CNTN5: variants seen among roughly 807,000 people sequenced by gnomAD.
The protein encoded by CNTN5 is contactin 5.
A neutral mutation model predicts 129.1 loss-of-function variants in CNTN5; 77 were observed. The observed-to-expected ratio is 0.60, with a 90% confidence interval of 0.50 to 0.72. The LOEUF is 0.72. Ranked by LOEUF, CNTN5 falls within the 30% of genes least tolerant of loss-of-function variation. The pLI is 0.00. For missense variants in CNTN5, 1,478 were observed against 1,328.8 expected (o/e 1.11, Z -1.75); for synonymous variants, 509 against 465.6 (o/e 1.09, Z -1.20).
chr11:99,893,548 A>G (rs1038692500), intron 6 of CNTN5, among the ~76,000 whole-genome samples: 3 of 152,172 alleles, frequency 2.0e-5, no homozygotes, highest in African/African-American at 7.2e-5. Flanking sequence ...GCACAATAAT[A>G]CCTAAAGCAC....
chr11:99,383,318 G>A (rs1232671732), intron 2 of CNTN5, among the ~76,000 whole-genome samples: 1 of 152,134 alleles, frequency 6.6e-6, no homozygotes, highest in Non-Finnish European at 1.5e-5. Context: ...CTGACAGACT[G>A]GTCCCATATG....
chr11:99,486,604 A>G (rs2135333895), intron 2 of CNTN5, among the ~76,000 whole-genome samples: 1 of 152,324 alleles, frequency 6.6e-6, no homozygotes, highest in Admixed American at 6.5e-5. Flanking sequence ...TAACTGTAAA[A>G]TTGAAATATA....
intron 13 of CNTN5, among the ~76,000 whole-genome samples, chr11:100,085,638 G>A (rs1044964373): frequency 6.6e-6 from 1 of 151,930 alleles, no homozygotes; most frequent in Admixed American, 6.6e-5. Flanking sequence ...TGAGCATTGG[G>A]TATTTTTATA....
intron 2 of CNTN5, among the ~76,000 whole-genome samples, chr11:99,553,993 C>CAA (rs1171905794): frequency 1.2e-5 from 1 of 81,544 alleles, no homozygotes; most frequent in African/African-American, 4.3e-5. Context: ...CACACACACA[C>CAA]ACATACACAC....
At chr11:100,198,507 C>T (rs1948702178) in intron 15 of CNTN5, among the ~76,000 whole-genome samples, 2 of 151,938 alleles carry the variant, frequency 1.3e-5, no homozygotes, top group Non-Finnish European at 2.9e-5. Flanking sequence ...CTGACCTAGA[C>T]CTCAGTGAGT....
intron 3 of CNTN5, among the ~76,000 whole-genome samples, chr11:99,748,579 C>A (rs566496254): frequency 6.6e-6 from 1 of 152,236 alleles, no homozygotes; most frequent in South Asian, 2.1e-4. Context: ...GCCTGAGAAC[C>A]AGGGGACCCA....
At chr11:100,294,571 A>G (rs1008744518) in intron 18 of CNTN5, among the ~76,000 whole-genome samples, 1 of 151,750 alleles carries the variant, frequency 6.6e-6, no homozygotes, top group Non-Finnish European at 1.5e-5. Flanking sequence ...AATATGCTCA[A>G]GACATTTATC....
intron 1 of CNTN5, among the ~76,000 whole-genome samples, chr11:99,213,077 G>A (rs773053109): frequency 6.6e-6 from 1 of 151,660 alleles, no homozygotes; most frequent in Non-Finnish European, 1.5e-5. Context: ...TGTAGTCTGA[G>A]CTACTTGGGA....
At chr11:99,096,579 A>G (rs1343607990) in intron 1 of CNTN5, among the ~76,000 whole-genome samples, 1 of 151,868 alleles carries the variant, frequency 6.6e-6, no homozygotes, top group Non-Finnish European at 1.5e-5. Context: ...AAGATAGGAA[A>G]AACAAGTGGT....
chr11:99,846,129 G>GACACAC (rs10650307), intron 6 of CNTN5, among the ~76,000 whole-genome samples: 17,529 of 144,576 alleles, frequency 0.12, 1,208 homozygotes, highest in Middle Eastern at 0.16. Context: ...TACGGACATA[G>GACACAC]ACACACACAC....
chr11:100,237,601 G>A (rs1949648754), intron 16 of CNTN5, among the ~76,000 whole-genome samples: 1 of 152,132 alleles, frequency 6.6e-6, no homozygotes, highest in South Asian at 2.1e-4. Context: ...GAATTACAAA[G>A]ACGATTAGCT....
At chr11:100,122,816 C>T (rs1198650377) in intron 13 of CNTN5, among the ~76,000 whole-genome samples, 3 of 151,984 alleles carry the variant, frequency 2.0e-5, no homozygotes, top group East Asian at 1.9e-4. Flanking sequence ...GGATTTTTTC[C>T]TGAATGTGTC....
intron 3 of CNTN5, among the ~76,000 whole-genome samples, chr11:99,806,762 G>A (rs1946283483): frequency 6.7e-6 from 1 of 150,108 alleles, no homozygotes; most frequent in South Asian, 2.1e-4. Flanking sequence ...AGCCAAGATT[G>A]TGCTACTGCA....
chr11:100,255,674 G>T, intron 16 of CNTN5, 86 bp from the exon 17 acceptor site: 1 of 1,144,844 alleles, frequency 8.7e-7, no homozygotes. Flanking sequence ...TTACATAGTT[G>T]GATGTGCTAC....
At chr11:99,344,190 G>C (rs1395379480) in intron 2 of CNTN5, among the ~76,000 whole-genome samples, 1 of 152,110 alleles carries the variant, frequency 6.6e-6, no homozygotes, top group Non-Finnish European at 1.5e-5. Context: ...TATAAGGTAG[G>C]ATTTTGTCCA....
At chr11:99,884,096 C>T (rs548841415) in intron 6 of CNTN5, among the ~76,000 whole-genome samples, 112 of 152,220 alleles carry the variant, frequency 7.4e-4, no homozygotes, top group Non-Finnish European at 1.4e-3. Context: ...TCCTGAGAAG[C>T]AAATGGAAGT....
chr11:99,131,284 A>G (rs1858926139), intron 1 of CNTN5, among the ~76,000 whole-genome samples: 1 of 150,034 alleles, frequency 6.7e-6, no homozygotes, highest in Admixed American at 6.7e-5. Flanking sequence ...ATAGCACTAA[A>G]TGACCACATC....
chr11:99,840,137 C>T (rs1311415096), intron 4 of CNTN5, among the ~76,000 whole-genome samples: 1 of 152,108 alleles, frequency 6.6e-6, no homozygotes, highest in East Asian at 1.9e-4. Context: ...AGTCAGACTA[C>T]TTCACCATGG....
intron 2 of CNTN5, among the ~76,000 whole-genome samples, chr11:99,338,930 A>ATATATATATG (rs1555115001): frequency 5.1e-4 from 67 of 130,452 alleles, no homozygotes; most frequent in South Asian, 8.5e-4. Context: ...ATATATATAT[A>ATATATATATG]TATATATATA....
Sources: gnomAD v4.1 joint callset for allele counts (sites outside exome capture counted in the v4.1 genomes callset) on GRCh38, gnomAD v4.1.1 for gene constraint, MANE v1.5 for transcripts, NCBI Gene and HGNC (gene_info 2026-07-23, HGNC 2026-07-21) for gene names.